The following PIF1 variants were observed in gnomAD, a reference collection of about 807,000 sequenced individuals.
PIF1 encodes ATP-dependent DNA helicase PIF1.
In PIF1, 67 loss-of-function variants were observed where a neutral mutation model predicts 62.3. The observed-to-expected ratio is 1.08, with a 90% confidence interval of 0.88 to 1.32. PIF1 has a LOEUF of 1.32. Ranked by LOEUF, PIF1 falls within the 40% of genes most tolerant of loss-of-function variation. The probability of loss-of-function intolerance (pLI) is 0.00; values close to 1 mark genes in which losing one functional copy is unlikely to be tolerated. For synonymous variants in PIF1, 364 were observed against 379.5 expected, an observed-to-expected ratio of 0.96 and a Z score of 0.47; for missense variants, 886 against 866.1, an observed-to-expected ratio of 1.02 and a Z score of -0.29.
Position 64,817,717 on chromosome 15 carries a change from C to A in PIF1, c.1674+229G>T, listed in dbSNP as rs111574285. Reference sequence around the variant, plus strand: ...TCTTTACTAAAAATACAAAAATTAGCCAGGCGTGGTGGCATGCGCCTGTAG... The same window carrying A: ...TCTTTACTAAAAATACAAAAATTAGACAGGCGTGGTGGCATGCGCCTGTAG... On this transcript the variant is annotated intron_variant, in intron 11 of 12. Coordinates refer to ENST00000559239, the MANE Select transcript of PIF1 (RefSeq NM_001286496.2). 4.3e-3 allele frequency among the ~76,000 whole-genome samples: 657 copies of A among 151,792 alleles called. 7 individuals carry two copies. Among genetic ancestry groups the A allele is most frequent in the African/African-American group, 0.015 (615 of 41,384 alleles).
At chr15:64,818,806 ATAC>A (rs2084235808) in intron 9 of PIF1, 1 of 334,520 alleles carries the variant, frequency 3.0e-6, no homozygotes. Flanking sequence ...TTTATAAAGT[ATAC>A]TACAGAAGAC....
In PIF1 at chr15:64,821,027, G is replaced by T; in HGVS notation, c.1148C>A (p.Ala383Glu). The change falls in exon 7 of 13, where the codon GCA (alanine) becomes GAA (glutamate). Residue 383 changes from alanine (A) to glutamate (E), a missense_variant. Physicochemically the swap from Ala to Glu is moderately radical, Grantham distance 107 (BLOSUM62 -1). Transcript: ENST00000559239. ...CAGTAGAGAGATGAAGGTCTGGTCT[G>T]CCTGCCTCCACACCTTGGTCAGCTC... Reference protein sequence around the residue: ...TLELTKVWRQADQTFISLLQA... With the variant: ...TLELTKVWRQEDQTFISLLQA... The T allele has an allele frequency of 6.2e-7, 1 of 1,614,142 alleles. No individual in the cohort carries two copies. Among genetic ancestry groups the T allele is most frequent in the Non-Finnish European group, 8.5e-7 (1 of 1,180,020 alleles).
At chr15:64,825,018 CATAT>C (rs1763917782) in intron 1 of PIF1, among the ~76,000 whole-genome samples, 1 of 151,224 alleles carries the variant, frequency 6.6e-6, no homozygotes, top group African/African-American at 2.4e-5. Context: ...CACACACACA[CATAT>C]ACACACACAC....
At position 64,821,038 on chromosome 15, in the gene PIF1, C is replaced by T. The variant is rs757686912; in HGVS notation, c.1137G>A (p.Val379=). The part of the protein sequence containing the change: ...CVPVTLELTK[V]WRQADQTFIS... ...TGAAGGTCTGGTCTGCCTGCCTCCA[C>T]ACCTTGGTCAGCTCCAGGGTCACTG... The change falls in exon 7 of 13, where the codon GTG becomes GTA. Residue 379 remains valine, a synonymous_variant. Transcript: ENST00000559239. 5.6e-6 allele frequency: 9 copies of T among 1,614,042 alleles called. No homozygotes were observed. The African/African-American group carries it at 9.3e-5, about 17-fold the overall frequency.
intron 7 of PIF1, among the ~76,000 whole-genome samples, chr15:64,820,706 CT>C (rs1157742665): frequency 2.0e-5 from 3 of 152,106 alleles, no homozygotes; most frequent in Non-Finnish European, 2.9e-5. Context: ...CTGACACCTA[CT>C]TTATGCCAGG....
intron 11 of PIF1, among the ~76,000 whole-genome samples, chr15:64,817,259 A>G (rs1413855765): frequency 6.6e-6 from 1 of 152,134 alleles, no homozygotes; most frequent in Non-Finnish European, 1.5e-5. Flanking sequence ...CACTAAAGAA[A>G]AGTTTATTCT....
rs774751841 is a variant in PIF1 at position 64,816,168 on chromosome 15, G to A, written c.*130C>T. 3.9e-5 allele frequency: 59 copies of A among 1,519,320 alleles called. No individual in the cohort carries two copies. The highest frequency in any genetic ancestry group is 1.2e-4 in the African/African-American group (9 of 72,498). The allele number at this position is 1,519,320 out of a possible 1,614,324, so 94.1% of individuals were successfully genotyped here. ...CCCTTTAACCCTGCCAGGAGGCTGA[G>A]AGTCCCTAAAAAATACAGAAGGGGA... is the stretch of plus-strand genomic sequence containing the variant. On this transcript the variant is annotated 3_prime_UTR_variant, in exon 13 of 13. Transcript: ENST00000559239.
chr15:64,817,288 C>T (rs1418652904), intron 11 of PIF1, among the ~76,000 whole-genome samples: 2 of 152,106 alleles, frequency 1.3e-5, no homozygotes, highest in Admixed American at 6.6e-5. Context: ...TGTGGTGGCT[C>T]ACGCCTATAA....
chr15:64,825,946 T>C (rs115389694), upstream of PIF1, among the ~76,000 whole-genome samples: 589 of 152,236 alleles, frequency 3.9e-3, 3 homozygotes, highest in African/African-American at 0.014. Flanking sequence ...CGAAGATTTA[T>C]TTTCAGAACC....
chr15:64,818,226 A>G, intron 10 of PIF1, 31 bp downstream of exon 10: 1 of 1,612,804 alleles, frequency 6.2e-7, no homozygotes, highest in Non-Finnish European at 8.5e-7. Flanking sequence ...AAAGCCCCGT[A>G]GCAGGACTGC....
At chr15:64,821,880 C>CT (rs1290736496) in intron 4 of PIF1, 1 of 288,904 alleles carries the variant, frequency 3.5e-6, no homozygotes, top group African/African-American at 2.3e-5. Flanking sequence ...GCTGGGACTA[C>CT]AGGCGCTTGC....
In PIF1 at chr15:64,824,281, A is replaced by T; in HGVS notation, c.55T>A (p.Cys19Ser). The change falls in exon 2 of 13, where the codon TGC becomes AGC. Residue 19 changes from cysteine (C) to serine (S), a missense_variant. By Grantham distance (112) the Cys-to-Ser change is moderately radical. Transcript: ENST00000559239. ...AGEYEDSELR[C>S]RVAVEELSPG... ...CTCAGCTCCTCCACAGCCACGCGGC[A>T]CCGCAGCTCCGAGTCCTCATATTCC... 7.9e-7 allele frequency: 1 copy of T among 1,272,614 alleles called. No individual in the cohort carries two copies. Among genetic ancestry groups the T allele is most frequent in the South Asian group, 2.7e-5 (1 of 37,012 alleles). The allele number at this position is 1,272,614 out of a possible 1,614,324, so 78.8% of individuals were successfully genotyped here.
At chr15:64,820,747 T>A (rs534321704) in intron 7 of PIF1, among the ~76,000 whole-genome samples, 1 of 117,280 alleles carries the variant, frequency 8.5e-6, no homozygotes, top group African/African-American at 3.3e-5. Flanking sequence ...GACCCAACCC[T>A]GAGGGAGGCT....
chr15:64,826,651 TATATATATATATATACAC>T (rs1490884793), upstream of PIF1, among the ~76,000 whole-genome samples: 15 of 32,588 alleles, frequency 4.6e-4, 1 homozygote, highest in Middle Eastern at 0.013. Context: ...TATATATATA[TATATATATATATATACAC>T]ACACACACAC....
At chr15:64,818,539 T>C in intron 9 of PIF1, 195 bp from the exon 10 acceptor site, 1 of 582,576 alleles carries the variant, frequency 1.7e-6, no homozygotes. Flanking sequence ...TTTTTCTTTA[T>C]GTCAAAGAGG....
At chr15:64,818,685 G>T in intron 9 of PIF1, 1 of 341,202 alleles carries the variant, frequency 2.9e-6, no homozygotes, top group South Asian at 3.7e-5. Context: ...ATGGCCTCTA[G>T]GTCCTGCCAC....
rs774761195 is a variant in PIF1 at position 64,822,452 on chromosome 15, C to G, written c.691+26G>C. 1.9e-6 allele frequency: 3 copies of G among 1,614,094 alleles called. No homozygotes were observed. The Admixed American group carries it at 5.0e-5, about 27-fold the overall frequency. Reference sequence around the variant, plus strand: ...CCTCTATCCCACCCCACCACTGTCCCCCTACCTCCTCTCTGCCCCCACTAC... The same window carrying G: ...CCTCTATCCCACCCCACCACTGTCCGCCTACCTCCTCTCTGCCCCCACTAC... On this transcript the variant is annotated intron_variant, in intron 3 of 12. Transcript: ENST00000559239.
Position 64,818,312 on chromosome 15 carries a change from C to T in PIF1, c.1473G>A (p.Arg491=). The change falls in exon 10 of 13, where the codon CGG becomes CGA. Residue 491 remains arginine, a synonymous_variant. Transcript: ENST00000559239. Reference sequence around the variant, plus strand: ...CCCCTCGGGCACCATTCACCAGGCCCCGAGACACCGATAAGTTTTTCACCA... The same window carrying T: ...CCCCTCGGGCACCATTCACCAGGCCTCGAGACACCGATAAGTTTTTCACCA... ...VMLVKNLSVS[R]GLVNGARGVV... 3 of 1,614,080 alleles carry T rather than the reference C, an allele frequency of 1.9e-6. No individual in the cohort carries two copies. Among genetic ancestry groups the T allele is most frequent in the Middle Eastern group, 1.6e-4 (1 of 6,062 alleles).
chr15:64,819,183 C>T lies in PIF1; in HGVS notation c.1374G>A (p.Glu458=). The change falls in exon 9 of 13, where the codon GAG becomes GAA. Residue 458 remains glutamate (E), a synonymous_variant. Transcript: ENST00000559239. The part of the protein sequence containing the change: ...HRFEAMDSNP[E]LASTLDAQCP... ...ACTGGGCATCCAGGGTACTGGCCAG[C>T]TCAGGGTTGCTGTCCATAGCCTCAA... 6.2e-7 allele frequency: 1 copy of T among 1,603,884 alleles called. No homozygotes were observed. Among genetic ancestry groups the T allele is most frequent in the Non-Finnish European group, 8.5e-7 (1 of 1,177,064 alleles).
Sources: gnomAD v4.1 joint callset for allele counts (sites outside exome capture counted in the v4.1 genomes callset) on GRCh38, gnomAD v4.1.1 for gene constraint, MANE v1.5 for transcripts, NCBI Gene and HGNC (gene_info 2026-07-23, HGNC 2026-07-21) for gene names.